The following EMILIN2 variants were observed in gnomAD, a reference collection of about 807,000 sequenced individuals.
EMILIN2 encodes the protein elastin microfibril interfacer 2, also known as EMILIN-2.
A neutral mutation model predicts 87.1 loss-of-function variants in EMILIN2; 71 were observed. The ratio of observed to expected loss-of-function variants is 0.82; its 90% confidence interval spans 0.67 to 0.99. The LOEUF is 0.99. Ranked by LOEUF, EMILIN2 falls within the 50% of genes least tolerant of loss-of-function variation. The probability of loss-of-function intolerance (pLI) is 0.00; values close to 1 mark genes in which losing one functional copy is unlikely to be tolerated. For missense variants in EMILIN2, 1,407 were observed against 1,371.8 expected, an observed-to-expected ratio of 1.03 and a Z score of -0.40; for synonymous variants, 581 against 563.4, an observed-to-expected ratio of 1.03 and a Z score of -0.44.
intron 2 of EMILIN2, among the ~76,000 whole-genome samples, chr18:2,862,632 T>C (rs948348795): frequency 6.6e-6 from 1 of 152,228 alleles, no homozygotes; most frequent in African/African-American, 2.4e-5. Context: ...CAGTATTTTA[T>C]TGACGATTTT....
chr18:2,858,569 A>ATATATATATGTGTGTGTG (rs1305555851), intron 2 of EMILIN2, among the ~76,000 whole-genome samples: 1 of 55,430 alleles, frequency 1.8e-5, no homozygotes, highest in Admixed American at 2.4e-4. Context: ...ATATATATAT[A>ATATATATATGTGTGTGTG]TGTGTGTGTG....
rs2076917388 is a variant in EMILIN2, at chr18:2,907,024, C to T, written c.2601C>T (p.Gly867=). 1 of 1,309,262 alleles carries T rather than the reference C, an allele frequency of 7.6e-7. No individual in the cohort carries two copies. Among genetic ancestry groups the T allele is most frequent in the Non-Finnish European group, 9.7e-7 (1 of 1,033,678 alleles). 81.1% of individuals were successfully genotyped at this position (1,309,262 alleles called of 1,614,324 possible). A position where few individuals can be genotyped will look rare whatever the true frequency, so the allele number is the denominator to read the frequency against. ...AGVSGRGLPR[G]VDGQTGSGTV... ...TGTCTGGGCGGGGTCTGCCGCGGGG[C>T]GTGGACGGCCAGACCGGGAGCGGCA... The change falls in exon 5 of 8, where the codon GGC becomes GGT. Residue 867 remains glycine, a synonymous_variant. Coordinates refer to ENST00000254528, the MANE Select transcript of EMILIN2 (RefSeq NM_032048.3).
rs767527253 is a variant in EMILIN2 at position 2,909,834 on chromosome 18, G to A, written c.2824+15G>A. The A allele has an allele frequency of 6.8e-6, 11 of 1,611,868 alleles. No homozygotes were observed. The highest frequency in any genetic ancestry group is 6.7e-5 in the African/African-American group (5 of 74,786). On this transcript the variant is annotated intron_variant, in intron 7 of 7. Transcript: ENST00000254528. ...CCCCAGCACCGGTGAGTGTTTGAAC[G>A]GAACTGGTACTGTGTCCTCCTCCTA...
chr18:2,866,856 A>G (rs762666988), intron 2 of EMILIN2, among the ~76,000 whole-genome samples: 1 of 152,182 alleles, frequency 6.6e-6, no homozygotes, highest in Non-Finnish European at 1.5e-5. Flanking sequence ...CTTTTATTAC[A>G]TTGAAGTATG....
At position 2,892,053 on chromosome 18, in the gene EMILIN2, G is replaced by A. The variant is rs1333661320; in HGVS notation, c.1926G>A (p.Arg642=). The stretch of plus-strand genomic sequence containing the variant: ...CAGGTGAAAACGCTGGCATGGGTAG[G>A]TTCACTAAGGTGGGTGAGCAAGAAA... ...CRAGENAGMG[R]FTKVGEQERT... is the part of the protein sequence containing the mutation. Residue 642 remains arginine (R), a synonymous_variant, in exon 4 of 8, where the codon AGG becomes AGA. Coordinates refer to ENST00000254528, the MANE Select transcript of EMILIN2 (RefSeq NM_032048.3). 1.2e-6 allele frequency: 2 copies of A among 1,614,080 alleles called. No homozygotes were observed. The highest frequency in any genetic ancestry group is 1.3e-5 in the African/African-American group (1 of 74,922).
intron 2 of EMILIN2, among the ~76,000 whole-genome samples, chr18:2,854,243 A>T (rs991272007): frequency 2.6e-5 from 4 of 151,510 alleles, no homozygotes; most frequent in Non-Finnish European, 5.9e-5. Flanking sequence ...TCTTGGTGGA[A>T]TTTTTCCTAT....
chr18:2,910,759 C>G (rs2076936822), intron 7 of EMILIN2, among the ~76,000 whole-genome samples: 1 of 152,224 alleles, frequency 6.6e-6, no homozygotes, highest in Non-Finnish European at 1.5e-5. Flanking sequence ...TTTGCCCTGT[C>G]TAGTCACTGT....
chr18:2,913,581 G>T lies in EMILIN2; in HGVS notation c.*177G>T, dbSNP rs601071. 22 of 583,222 alleles carry T rather than the reference G, an allele frequency of 3.8e-5. No individual in the cohort carries two copies. The highest frequency in any genetic ancestry group is 6.6e-5 in the Non-Finnish European group (22 of 335,852). The allele number at this position is 583,222 out of a possible 1,614,324, so 36.1% of individuals were successfully genotyped here. On this transcript the variant is annotated 3_prime_UTR_variant, in exon 8 of 8. Coordinates refer to ENST00000254528, the MANE Select transcript of EMILIN2 (RefSeq NM_032048.3). ...CTTACTGCATCCAGCCAGGCTGCAG[G>T]GAGTGAGGCACACGGTGAACATGGC...
chr18:2,909,862 C>T, intron 7 of EMILIN2, 43 bp downstream of exon 7: 4 of 1,596,974 alleles, frequency 2.5e-6, no homozygotes, highest in African/African-American at 1.4e-5. Flanking sequence ...TCCTCCTACC[C>T]CAACGCAGGT....
intron 2 of EMILIN2, among the ~76,000 whole-genome samples, chr18:2,867,879 G>C (rs1421486410): frequency 2.8e-4 from 43 of 151,040 alleles, no homozygotes; most frequent in Non-Finnish European, 2.8e-4. Flanking sequence ...ACCTCCCAGA[G>C]TGGGTGGTGG....
chr18:2,885,157 C>A lies in EMILIN2; in HGVS notation c.433+18C>A. The stretch of plus-strand genomic sequence containing the variant: ...AGCCACAGGTAACTTCTTATTTGTG[C>A]TATTATGTATGGCCACCTTTAATAT... On this transcript the variant is annotated intron_variant, in intron 3 of 7. Coordinates refer to ENST00000254528, the MANE Select transcript of EMILIN2 (RefSeq NM_032048.3). 1 of 1,576,482 alleles carries A rather than the reference C, an allele frequency of 6.3e-7. No homozygotes were observed. Among genetic ancestry groups the A allele is most frequent in the Non-Finnish European group, 8.6e-7 (1 of 1,162,256 alleles).
At chr18:2,909,092 A>T in intron 6 of EMILIN2, 117 bp downstream of exon 6, 14 of 1,306,480 alleles carry the variant, frequency 1.1e-5, no homozygotes, top group Non-Finnish European at 1.5e-5. Context: ...GCCTGGGCCC[A>T]GCCCTTCCCC....
At chr18:2,871,226 A>G (rs1319228127) in intron 2 of EMILIN2, among the ~76,000 whole-genome samples, 1 of 152,164 alleles carries the variant, frequency 6.6e-6, no homozygotes, top group Non-Finnish European at 1.5e-5. Context: ...CATTGGGGAC[A>G]TCATCAAATT....
chr18:2,877,652 C>T (rs2076756144), intron 2 of EMILIN2, among the ~76,000 whole-genome samples: 1 of 151,834 alleles, frequency 6.6e-6, no homozygotes, highest in Non-Finnish European at 1.5e-5. Flanking sequence ...GTGGCCTGCA[C>T]CTGTAATCCC....
rs148365504 is a variant in EMILIN2, at chr18:2,903,497, C to T, written c.2360-3286C>T. On this transcript the variant is annotated intron_variant, in intron 4 of 7. Coordinates refer to ENST00000254528, the MANE Select transcript of EMILIN2 (RefSeq NM_032048.3). ...GTTTCTTTTCTTTGGTACTTACCTC[C>T]GTATTTCTAAATTGATTTATCAGCT... is the stretch of plus-strand genomic sequence containing the variant. Among the ~76,000 whole-genome samples the T allele has an allele frequency of 1.6e-4, 25 of 152,274 alleles. 1 individual carries two copies. The East Asian group carries it at 4.1e-3, about 25-fold the overall frequency.
At position 2,847,184 on chromosome 18, in the gene EMILIN2, G is replaced by T; in HGVS notation, c.-5G>T. 1 of 1,133,230 alleles carries T rather than the reference G, an allele frequency of 8.8e-7. No individual in the cohort carries two copies. Among genetic ancestry groups the T allele is most frequent in the Non-Finnish European group, 1.1e-6 (1 of 928,834 alleles). 70.2% of individuals were successfully genotyped at this position (1,133,230 alleles called of 1,614,324 possible). On this transcript the variant is annotated 5_prime_UTR_variant, in exon 1 of 8. Coordinates refer to ENST00000254528, the MANE Select transcript of EMILIN2 (RefSeq NM_032048.3). The surrounding 1 kb of genome is among the most constrained non-coding windows in gnomAD (Gnocchi z 4.5). The stretch of plus-strand genomic sequence containing the variant: ...GGCAGGCGGGGCGCGCCCGCTGCGC[G>T]CGGGATGTGGCAGCCCAGACGGCCC...
At chr18:2,856,740 C>T (rs1598484991) in intron 2 of EMILIN2, among the ~76,000 whole-genome samples, 3 of 152,318 alleles carry the variant, frequency 2.0e-5, no homozygotes. Context: ...TTAACTACTT[C>T]CATCCTTGAT....
chr18:2,899,649 C>T (rs1040837245), intron 4 of EMILIN2, among the ~76,000 whole-genome samples: 7 of 152,116 alleles, frequency 4.6e-5, no homozygotes, highest in Middle Eastern at 3.4e-3. Context: ...GGATTACAGG[C>T]GCCCACCACC....
At chr18:2,855,023 C>T (rs1175820870) in intron 2 of EMILIN2, among the ~76,000 whole-genome samples, 1 of 152,198 alleles carries the variant, frequency 6.6e-6, no homozygotes, top group Non-Finnish European at 1.5e-5. Flanking sequence ...TCCTTGGCAT[C>T]GGAGGTAACT....
Sources: gnomAD v4.1 joint callset for allele counts (sites outside exome capture counted in the v4.1 genomes callset) on GRCh38, gnomAD v4.1.1 for gene constraint, Gnocchi (gnomAD v3.1) non-coding constraint, MANE v1.5 for transcripts, NCBI Gene and HGNC (gene_info 2026-07-23, HGNC 2026-07-21) for gene names.